The following NTN4 variants were observed in gnomAD, a reference collection of about 807,000 sequenced individuals.
NTN4 encodes the protein netrin-4.
Under a neutral mutation model 73.6 loss-of-function variants are expected in NTN4, and 32 were observed. The ratio of observed to expected loss-of-function variants is 0.44; its 90% confidence interval spans 0.33 to 0.58. The LOEUF (loss-of-function observed/expected upper bound fraction) is 0.58. Among genes scored for constraint, NTN4 ranks in the 20% least tolerant of loss-of-function variants. NTN4 has a pLI of 0.04. For missense variants in NTN4, 654 were observed against 798.3 expected (o/e 0.82, Z 2.18); for synonymous variants, 258 against 287.5 (o/e 0.90, Z 1.04).
At position 95,748,546 on chromosome 12, in the gene NTN4, C is replaced by T. The variant is rs375402670; in HGVS notation, c.586-10402G>A. ...ACGTTGGAATGCAGTGGCATGATCT[C>T]GGCTCACTGCAACCTCCCGGTTCAA... On this transcript the variant is annotated intron_variant, in intron 2 of 9. Transcript: ENST00000343702. 1.1e-4 allele frequency among the ~76,000 whole-genome samples: 16 copies of T among 146,132 alleles called. 1 individual carries two copies. The highest frequency in any genetic ancestry group is 3.8e-4 in the African/African-American group (15 of 39,254).
chr12:95,685,065 T>C (rs1297453862), intron 5 of NTN4, among the ~76,000 whole-genome samples: 1 of 152,080 alleles, frequency 6.6e-6, no homozygotes, highest in Non-Finnish European at 1.5e-5. Context: ...AGATGGGGTT[T>C]CACCATGTCC....
rs1325223886 is a variant in NTN4 at position 95,735,930 on chromosome 12, T to C, written c.864+1936A>G. 2.0e-5 allele frequency among the ~76,000 whole-genome samples: 3 copies of C among 149,438 alleles called. No homozygotes were observed. The East Asian group carries it at 5.8e-4, about 29-fold the overall frequency. ...TTTTATTTATTTATTTATTTATTTA[T>C]TTATTTATTTATTTATTTATTTTTT... On this transcript the variant is annotated intron_variant, in intron 3 of 9. Coordinates refer to ENST00000343702, the MANE Select transcript of NTN4 (RefSeq NM_021229.4).
chr12:95,732,937 A>C (rs1258684707), intron 3 of NTN4, among the ~76,000 whole-genome samples: 14 of 152,210 alleles, frequency 9.2e-5, no homozygotes, highest in Admixed American at 9.2e-4. Context: ...TAGGTAGCTA[A>C]GGAACATTTT....
chr12:95,662,911 A>C (rs1428171581), intron 9 of NTN4, among the ~76,000 whole-genome samples: 5 of 152,148 alleles, frequency 3.3e-5, no homozygotes, highest in African/African-American at 1.2e-4. Flanking sequence ...TGAGGCCAGG[A>C]GTTTGAGACC....
intron 7 of NTN4, chr12:95,673,341 A>G (rs965079021): frequency 1.5e-5 from 4 of 261,620 alleles, no homozygotes; most frequent in African/African-American, 8.9e-5. Context: ...GTTTAAAGGT[A>G]GTGACTTGGG....
At chr12:95,673,433 C>CCTGT in intron 7 of NTN4, 1 of 196,698 alleles carries the variant, frequency 5.1e-6, no homozygotes, top group Non-Finnish European at 1.0e-5. Context: ...AGCAAGAGAG[C>CCTGT]CTGTCTGTCC....
At chr12:95,706,262 A>G (rs1015682018) in intron 5 of NTN4, among the ~76,000 whole-genome samples, 1 of 150,926 alleles carries the variant, frequency 6.6e-6, no homozygotes, top group African/African-American at 2.4e-5. Flanking sequence ...TAAGAATATG[A>G]GCCATATCTT....
chr12:95,703,972 G>A (rs2078505510), intron 5 of NTN4, among the ~76,000 whole-genome samples: 1 of 152,132 alleles, frequency 6.6e-6, no homozygotes, highest in Non-Finnish European at 1.5e-5. Flanking sequence ...CTGCTGCCCA[G>A]GCTGGAGTGC....
At chr12:95,758,685 C>T (rs1426488182) in intron 2 of NTN4, among the ~76,000 whole-genome samples, 1 of 152,108 alleles carries the variant, frequency 6.6e-6, no homozygotes, top group Non-Finnish European at 1.5e-5. Context: ...CCACCTCAGG[C>T]TCCTGAATAA....
chr12:95,745,836 T>G (rs182087368), intron 2 of NTN4, among the ~76,000 whole-genome samples: 16 of 151,670 alleles, frequency 1.1e-4, no homozygotes. Context: ...CATTTTGTTA[T>G]GTGGGACCAA....
intron 5 of NTN4, among the ~76,000 whole-genome samples, chr12:95,687,843 C>T (rs1382266421): frequency 6.6e-6 from 1 of 151,984 alleles, no homozygotes; most frequent in African/African-American, 2.4e-5. Flanking sequence ...TCATAGATGC[C>T]CTAATCAGCA....
chr12:95,721,105 T>C (rs1274619807), intron 3 of NTN4, among the ~76,000 whole-genome samples: 1 of 152,216 alleles, frequency 6.6e-6, no homozygotes, highest in African/African-American at 2.4e-5. Flanking sequence ...AACTATGCCA[T>C]TGTAAGACCC....
chr12:95,741,177 T>G (rs889201780), intron 2 of NTN4, among the ~76,000 whole-genome samples: 8 of 151,496 alleles, frequency 5.3e-5, no homozygotes, highest in Non-Finnish European at 1.2e-4. Flanking sequence ...TCCGCCCTTA[T>G]CCTCCGGGAA....
At chr12:95,754,894 T>C (rs2078937946) in intron 2 of NTN4, among the ~76,000 whole-genome samples, 3 of 152,208 alleles carry the variant, frequency 2.0e-5, no homozygotes, top group African/African-American at 7.2e-5. Flanking sequence ...CATGAAAGTA[T>C]TATAAAGCCA....
chr12:95,746,789 G>A (rs987975509), intron 2 of NTN4, among the ~76,000 whole-genome samples: 4 of 152,152 alleles, frequency 2.6e-5, no homozygotes, highest in Non-Finnish European at 5.9e-5. Context: ...ACTGCAGACT[G>A]GACACCCTCT....
intron 7 of NTN4, chr12:95,673,837 A>G (rs939185164): frequency 3.2e-4 from 48 of 152,344 alleles, no homozygotes; most frequent in African/African-American, 1.1e-3. Flanking sequence ...TCATGGCAGT[A>G]AAATGCCTCT....
chr12:95,686,731 C>G lies in NTN4; in HGVS notation c.1181-3020G>C, dbSNP rs79469987. 0.016 allele frequency among the ~76,000 whole-genome samples: 2,276 copies of G among 145,708 alleles called. 215 individuals are homozygous for G. In the East Asian group the frequency reaches 0.28, roughly 18 times the overall value. On this transcript the variant is annotated intron_variant, in intron 5 of 9. Transcript: ENST00000343702. ...TGAGATTGTACCACTGACCTCCAGCCTGGGTGACAGAGCAAGACTCTGTCT... is the reference window on the plus strand; with the variant it reads ...TGAGATTGTACCACTGACCTCCAGCGTGGGTGACAGAGCAAGACTCTGTCT...
chr12:95,746,824 T>G (rs1043010894), intron 2 of NTN4, among the ~76,000 whole-genome samples: 4 of 152,196 alleles, frequency 2.6e-5, no homozygotes, highest in African/African-American at 9.7e-5. Flanking sequence ...GGGGTAATTG[T>G]AGGGCTCACC....
chr12:95,722,973 CAAAAAAAA>C (rs71087998), intron 3 of NTN4, among the ~76,000 whole-genome samples: 42 of 55,362 alleles, frequency 7.6e-4, no homozygotes, highest in African/African-American at 2.4e-3. Flanking sequence ...GACTCTGTCT[CAAAAAAAA>C]AAAAAAAAAA....
Sources: allele counts gnomAD v4.1 joint callset (sites outside exome capture counted in the v4.1 genomes callset), GRCh38; gene constraint gnomAD v4.1.1; transcripts MANE v1.5; gene names NCBI Gene and HGNC (gene_info 2026-07-23, HGNC 2026-07-21).